Variants in RMDN2 observed in about 807,000 individuals in gnomAD.
RMDN2 encodes the protein regulator of microtubule dynamics protein 2.
RMDN2 carries 61 observed loss-of-function variants against 52.8 expected under a neutral mutation model. The ratio of observed to expected loss-of-function variants is 1.16; its 90% confidence interval spans 0.94 to 1.43. The LOEUF (loss-of-function observed/expected upper bound fraction) is 1.43. RMDN2 is among the 40% of genes most tolerant of loss of function. RMDN2 has a pLI of 0.00. For missense variants in RMDN2, 592 were observed against 475.3 expected (o/e 1.25, Z -2.28); for synonymous variants, 180 against 153.1 (o/e 1.18, Z -1.30).
At chr2:37,947,119 A>G (rs925442828) in intron 2 of RMDN2, among the ~76,000 whole-genome samples, 4 of 151,972 alleles carry the variant, frequency 2.6e-5, no homozygotes, top group African/African-American at 7.3e-5. Flanking sequence ...TTACTTTGCA[A>G]AGTATGAGCT....
intron 2 of RMDN2, among the ~76,000 whole-genome samples, chr2:37,944,183 C>T (rs536626157): frequency 1.2e-4 from 18 of 151,996 alleles, no homozygotes; most frequent in East Asian, 3.9e-4. Flanking sequence ...GAGATGAGGC[C>T]GTTGTTTTTG....
intron 5 of RMDN2, among the ~76,000 whole-genome samples, chr2:37,983,621 A>G (rs1487166443): frequency 6.6e-6 from 1 of 152,210 alleles, no homozygotes; most frequent in African/African-American, 2.4e-5. Context: ...CACTGAATGC[A>G]AAAGTCCTCC....
At chr2:37,968,494 T>C (rs1671382231) in intron 2 of RMDN2, among the ~76,000 whole-genome samples, 1 of 150,520 alleles carries the variant, frequency 6.6e-6, no homozygotes, top group Admixed American at 6.6e-5. Flanking sequence ...GATGTTTTCA[T>C]GGGGAAATGA....
intron 10 of RMDN2, among the ~76,000 whole-genome samples, chr2:38,016,767 G>C (rs1245093352): frequency 1.3e-5 from 2 of 151,726 alleles, no homozygotes; most frequent in African/African-American, 4.8e-5. Flanking sequence ...GCCTTGATAT[G>C]GAAAAAAAAC....
intron 2 of RMDN2, among the ~76,000 whole-genome samples, chr2:37,935,200 G>T (rs1399703235): frequency 6.6e-6 from 1 of 152,118 alleles, no homozygotes; most frequent in African/African-American, 2.4e-5. Flanking sequence ...ATAATGTCAG[G>T]CATAGTATAT....
intron 5 of RMDN2, among the ~76,000 whole-genome samples, chr2:37,986,636 A>G (rs1674055913): frequency 6.6e-6 from 1 of 152,158 alleles, no homozygotes; most frequent in African/African-American, 2.4e-5. Context: ...TTGAAAATCA[A>G]TTACTATAAT....
chr2:37,988,624 G>T (rs879499965), intron 5 of RMDN2, among the ~76,000 whole-genome samples: 4 of 151,542 alleles, frequency 2.6e-5, no homozygotes, highest in Non-Finnish European at 4.4e-5. Context: ...CATAGAAATG[G>T]CTGAGATAAA....
At position 37,958,916 on chromosome 2, in the gene RMDN2, C is replaced by G. The variant is rs906144608; in HGVS notation, c.453-15124C>G. On this transcript the variant is annotated intron_variant, in intron 2 of 10. Transcript: ENST00000354545. The stretch of plus-strand genomic sequence containing the variant: ...ATAATCAATAGATCATCTCATTGGT[C>G]TCACTTGTCATTGATTCTGTTTATG... Among the ~76,000 whole-genome samples, 4 of 149,734 alleles carry G rather than the reference C, an allele frequency of 2.7e-5. 1 individual carries two copies. The highest frequency in any genetic ancestry group is 1.0e-4 in the African/African-American group (4 of 40,056).
At chr2:38,039,031 T>A (rs906816671) in intron 10 of RMDN2, among the ~76,000 whole-genome samples, 3 of 147,826 alleles carry the variant, frequency 2.0e-5, no homozygotes, top group Admixed American at 1.4e-4. Context: ...AGCAACAGTT[T>A]AAAAGCCAGA....
chr2:37,980,299 T>C (rs1005274237), intron 4 of RMDN2, among the ~76,000 whole-genome samples: 2 of 152,062 alleles, frequency 1.3e-5, no homozygotes, highest in Admixed American at 1.3e-4. Context: ...CAAATTATTA[T>C]TATTTTTGGT....
Position 37,974,028 on chromosome 2 carries a change from C to T in RMDN2, c.453-12C>T, listed in dbSNP as rs767914070. ...CTTTCAAAGGAGTTGATGATTATTT[C>T]TGCGATTTTAGGTATATTACAGCTA... On this transcript the variant is annotated splice_polypyrimidine_tract_variant and intron_variant, in intron 2 of 10. Coordinates refer to ENST00000354545, the MANE Select transcript of RMDN2 (RefSeq NM_001170791.3). 3.8e-6 allele frequency: 6 copies of T among 1,595,086 alleles called. No individual in the cohort carries two copies. The highest frequency in any genetic ancestry group is 4.3e-6 in the Non-Finnish European group (5 of 1,170,908).
chr2:38,031,762 C>T (rs1680223746), intron 10 of RMDN2, among the ~76,000 whole-genome samples: 1 of 152,188 alleles, frequency 6.6e-6, no homozygotes, highest in Admixed American at 6.5e-5. Flanking sequence ...TTTGACCTCC[C>T]TTCTCAGTTT....
chr2:37,952,368 A>T, intron 2 of RMDN2: 1 of 613,682 alleles, frequency 1.6e-6, no homozygotes, highest in Non-Finnish European at 2.7e-6. Context: ...TAATTGCTGT[A>T]GTTTTGAAAG....
chr2:38,047,397 A>G lies in RMDN2; in HGVS notation c.1714-19585A>G, dbSNP rs185315787. Among the ~76,000 whole-genome samples, 254 of 152,386 alleles carry G rather than the reference A, an allele frequency of 1.7e-3. 2 individuals are homozygous for G. Among genetic ancestry groups the G allele is most frequent in the African/African-American group, 5.8e-3 (243 of 41,596 alleles). On this transcript the variant is annotated intron_variant, in intron 10 of 10. Transcript: ENST00000234195. ...GTCAATCAATTAGTGACATTAAAAA[A>G]GTAGTATATCCATATAATGGAATAT...
chr2:38,034,864 T>TAA lies in RMDN2; in HGVS notation c.1713+30655_1713+30656dup, dbSNP rs67839938. Among the ~76,000 whole-genome samples the TAA allele has an allele frequency of 3.3e-5, 5 of 151,390 alleles. No homozygotes were observed. The South Asian group carries it at 6.2e-4, about 19-fold the overall frequency. ...AATAAAGGAATACTGTTTTAATATT[T>TAA]AAAAAAAAGCTTTTTATCTGAGCTC... On this transcript the variant is annotated intron_variant, in intron 10 of 10. Transcript: ENST00000234195.
At chr2:37,970,563 G>T (rs557683526) in intron 2 of RMDN2, among the ~76,000 whole-genome samples, 2 of 152,082 alleles carry the variant, frequency 1.3e-5, no homozygotes, top group Non-Finnish European at 2.9e-5. Flanking sequence ...AACCTGAGGG[G>T]CATTCCATCT....
intron 4 of RMDN2, among the ~76,000 whole-genome samples, chr2:37,978,812 A>ATAGG: frequency 6.6e-6 from 1 of 151,900 alleles, no homozygotes; most frequent in Non-Finnish European, 1.5e-5. Flanking sequence ...AGATAGATAG[A>ATAGG]TAGAGAACAG....
chr2:37,993,341 G>C (rs1477528305), intron 7 of RMDN2, among the ~76,000 whole-genome samples: 4 of 152,144 alleles, frequency 2.6e-5, no homozygotes, highest in Non-Finnish European at 4.4e-5. Context: ...CTTTCCACCA[G>C]GGGGAATCAG....
chr2:37,983,141 C>A (rs1212835675), intron 5 of RMDN2, among the ~76,000 whole-genome samples: 3 of 152,062 alleles, frequency 2.0e-5, no homozygotes, highest in Non-Finnish European at 4.4e-5. Flanking sequence ...TGTCCTCTTC[C>A]TTCTCTCCCA....
Sources: gnomAD v4.1 joint callset for allele counts (sites outside exome capture counted in the v4.1 genomes callset) on GRCh38, gnomAD v4.1.1 for gene constraint, MANE v1.5 for transcripts, NCBI Gene and HGNC (gene_info 2026-07-23, HGNC 2026-07-21) for gene names.